The following HEATR3 variants were observed in gnomAD, a reference collection of about 807,000 sequenced individuals.
HEATR3 encodes HEAT repeat-containing protein 3.
HEATR3 carries 56 observed loss-of-function variants against 72.8 expected under a neutral mutation model. That is an observed-to-expected ratio of 0.77 (90% CI 0.62 to 0.96). The LOEUF (loss-of-function observed/expected upper bound fraction) is 0.96, where lower values mean the gene tolerates loss of function less well. Ranked by LOEUF, HEATR3 falls within the 40% of genes least tolerant of loss-of-function variation. HEATR3 has a pLI of 0.00. For synonymous variants in HEATR3, 331 were observed against 318.1 expected (o/e 1.04, Z -0.43); for missense variants, 747 against 831.4 (o/e 0.90, Z 1.25).
At chr16:50,094,920 A>C in intron 12 of HEATR3, 127 bp downstream of exon 12, 1 of 519,728 alleles carries the variant, frequency 1.9e-6, no homozygotes. Flanking sequence ...TCTTTGTAAA[A>C]AATAAAACAA....
At chr16:50,072,775 G>A in intron 5 of HEATR3, 61 bp downstream of exon 5, 1 of 1,011,044 alleles carries the variant, frequency 9.9e-7, no homozygotes, top group Non-Finnish European at 1.6e-6. Context: ...AAATTTTTAT[G>A]CAGCTTTGGC....
At chr16:50,100,633 T>C (rs182605507) in intron 13 of HEATR3, 2 of 419,178 alleles carry the variant, frequency 4.8e-6, no homozygotes, top group East Asian at 1.0e-4. Flanking sequence ...TAAATCTGTC[T>C]TTAGTGAAAG....
At chr16:50,069,216 A>G (rs745884860) in intron 3 of HEATR3, 15 of 172,310 alleles carry the variant, frequency 8.7e-5, no homozygotes, top group Non-Finnish European at 1.5e-4. Context: ...ACAGTATTCT[A>G]TGAGGCAGGT....
At chr16:50,092,595 C>G (rs931797448) in intron 11 of HEATR3, among the ~76,000 whole-genome samples, 13 of 151,562 alleles carry the variant, frequency 8.6e-5, no homozygotes, top group African/African-American at 3.2e-4. Context: ...CGCCACCACG[C>G]CTGGCTAATT....
Position 50,104,935 on chromosome 16 carries a change from G to T in HEATR3, c.1921-4G>T. On this transcript the variant is annotated splice_polypyrimidine_tract_variant and splice_region_variant and intron_variant, in intron 14 of 14. Transcript: ENST00000299192. ...ATATATGATTTTTTGTTTTTTGTTT[G>T]CAGATACGTAAAGAAGGGAGAGGTA... 6.4e-7 allele frequency: 1 copy of T among 1,569,074 alleles called. No homozygotes were observed. Among genetic ancestry groups the T allele is most frequent in the Non-Finnish European group, 8.6e-7 (1 of 1,164,920 alleles).
chr16:50,098,415 G>A lies in HEATR3; in HGVS notation c.1600-1815G>A, dbSNP rs2037293080. 6 of 152,160 alleles carry A rather than the reference G, an allele frequency of 3.9e-5. No individual in the cohort carries two copies. The South Asian group carries it at 1.2e-3, about 31-fold the overall frequency. 9.4% of individuals were successfully genotyped at this position (152,160 alleles called of 1,614,324 possible). A position where few individuals can be genotyped will look rare whatever the true frequency, so the allele number is the denominator to read the frequency against. ...TCACGCCTGTAATCCCAGCAGTTTT[G>A]GAGGCCGAGGTGGGCGGATCACAAG... is the stretch of plus-strand genomic sequence containing the variant. On this transcript the variant is annotated intron_variant, in intron 12 of 14. Transcript: ENST00000299192.
At chr16:50,089,767 C>G (rs570896838) in intron 11 of HEATR3, among the ~76,000 whole-genome samples, 6 of 152,020 alleles carry the variant, frequency 3.9e-5, no homozygotes, top group South Asian at 2.1e-4. Context: ...CCCCCAAGTT[C>G]AAGCAATTCT....
intron 11 of HEATR3, among the ~76,000 whole-genome samples, chr16:50,087,479 A>G (rs139883628): frequency 1.3e-5 from 2 of 152,376 alleles, no homozygotes; most frequent in African/African-American, 2.4e-5. Flanking sequence ...ATAGTTCCTC[A>G]TAGTAAAATC....
intron 4 of HEATR3, among the ~76,000 whole-genome samples, chr16:50,071,810 CAT>C (rs768200320): frequency 1.8e-4 from 27 of 152,306 alleles, no homozygotes; most frequent in Middle Eastern, 3.4e-3. Context: ...ATGGAGGAAA[CAT>C]GTACAACATG....
chr16:50,076,865 ATTTTTTTTT>A (rs756365677), intron 6 of HEATR3, among the ~76,000 whole-genome samples: 1 of 106,390 alleles, frequency 9.4e-6, no homozygotes, highest in Non-Finnish European at 1.9e-5. Flanking sequence ...ACACCTGGCT[ATTTTTTTTT>A]TTTTTTTTTT....
At position 50,070,245 on chromosome 16, in the gene HEATR3, T is replaced by C; in HGVS notation, c.467T>C (p.Ile156Thr). The change falls in exon 4 of 15, where the codon ATT becomes ACT. Residue 156 changes from isoleucine (I) to threonine (T), a missense_variant. Ile to Thr is a moderately conservative substitution (Grantham distance 89). Around this residue, in one of 2 missense-constraint regions of HEATR3, gnomAD observed 586 missense variants for 708.8 expected, o/e 0.83. Coordinates refer to ENST00000299192, the MANE Select transcript of HEATR3 (RefSeq NM_182922.4). ...AAAAAAGATCAGAACAGAAATTCTA[T>C]TGAGAACATAGCCAATGAGACTGTG... Reference protein sequence around the residue: ...QEKKDQNRNSIENIANETVNV... With the variant: ...QEKKDQNRNSTENIANETVNV... 2 of 1,610,006 alleles carry C rather than the reference T, an allele frequency of 1.2e-6. No homozygotes were observed. Among genetic ancestry groups the C allele is most frequent in the East Asian group, 2.2e-5 (1 of 44,814 alleles).
At chr16:50,067,840 G>A (rs1392008002) in intron 2 of HEATR3, among the ~76,000 whole-genome samples, 1 of 152,210 alleles carries the variant, frequency 6.6e-6, no homozygotes, top group African/African-American at 2.4e-5. Flanking sequence ...ATGGGGTAAT[G>A]AGCAAGGCAA....
At chr16:50,068,601 G>C (rs975214533) in intron 2 of HEATR3, among the ~76,000 whole-genome samples, 179 bp from the exon 3 acceptor site, 8 of 152,194 alleles carry the variant, frequency 5.3e-5, no homozygotes, top group African/African-American at 1.9e-4. Flanking sequence ...TTTATATCTT[G>C]TAGAACATGG....
chr16:50,097,166 T>G (rs570708410), intron 12 of HEATR3, among the ~76,000 whole-genome samples: 2 of 152,288 alleles, frequency 1.3e-5, no homozygotes, highest in South Asian at 2.1e-4. Context: ...CCTATATTTA[T>G]ATCACAAATC....
intron 7 of HEATR3, among the ~76,000 whole-genome samples, chr16:50,082,249 A>G (rs1404547778): frequency 1.3e-5 from 2 of 152,144 alleles, no homozygotes; most frequent in East Asian, 3.9e-4. Flanking sequence ...AGGCTGAGAC[A>G]TGAGAATCGC....
intron 14 of HEATR3, among the ~76,000 whole-genome samples, chr16:50,103,343 C>G (rs986543823): frequency 3.3e-5 from 5 of 152,184 alleles, no homozygotes; most frequent in African/African-American, 1.2e-4. Flanking sequence ...GTATAAAGCT[C>G]TAATGAGATT....
intron 5 of HEATR3, chr16:50,074,146 C>T (rs2036671675): frequency 6.6e-6 from 1 of 152,118 alleles, no homozygotes; most frequent in Admixed American, 6.5e-5. Context: ...TTTTGATGGG[C>T]ATGATTTAAT....
intron 13 of HEATR3, among the ~76,000 whole-genome samples, chr16:50,101,186 G>A (rs756393946): frequency 6.8e-6 from 1 of 147,722 alleles, no homozygotes; most frequent in Non-Finnish European, 1.5e-5. Context: ...GTGTGATCTC[G>A]GCTCACTGCA....
At position 50,067,372 on chromosome 16, in the gene HEATR3, C is replaced by T. The variant is rs548866646; in HGVS notation, c.311+833C>T. Among the ~76,000 whole-genome samples, 8 of 151,554 alleles carry T rather than the reference C, an allele frequency of 5.3e-5. No homozygotes were observed. The East Asian group carries it at 5.8e-4, about 11-fold the overall frequency. ...CCTGTCTCAAAAAAAAAAAAAGGTG[C>T]TCTTTAGATGACTTGTGAAAGGAGA... On this transcript the variant is annotated intron_variant, in intron 2 of 14. Coordinates refer to ENST00000299192, the MANE Select transcript of HEATR3 (RefSeq NM_182922.4).
Sources: allele counts gnomAD v4.1 joint callset (sites outside exome capture counted in the v4.1 genomes callset), GRCh38; gene constraint gnomAD v4.1.1; regional missense constraint gnomAD v4.1.1; transcripts MANE v1.5; gene names NCBI Gene and HGNC (gene_info 2026-07-23, HGNC 2026-07-21).